Variants in CPPED1 observed in about 807,000 individuals in gnomAD.
CPPED1 encodes calcineurin like phosphoesterase domain containing 1, also known as serine/threonine-protein phosphatase CPPED1.
In CPPED1, 28 loss-of-function variants were observed where a neutral mutation model predicts 28.0. That is an observed-to-expected ratio of 1.00 (90% CI 0.74 to 1.37). The LOEUF is 1.37. CPPED1 is among the 40% of genes most tolerant of loss of function. CPPED1 has a pLI of 0.00. For missense variants in CPPED1, 504 were observed against 416.5 expected (o/e 1.21, Z -1.83); for synonymous variants, 198 against 180.2 (o/e 1.10, Z -0.79).
At chr16:12,710,810 T>C (rs1350290658) in intron 2 of CPPED1, among the ~76,000 whole-genome samples, 1 of 152,158 alleles carries the variant, frequency 6.6e-6, no homozygotes, top group African/African-American at 2.4e-5. Context: ...CCCATGAGGA[T>C]AGCTACTATC....
At chr16:12,741,773 T>A (rs190150356) in intron 2 of CPPED1, among the ~76,000 whole-genome samples, 2 of 152,266 alleles carry the variant, frequency 1.3e-5, no homozygotes, top group Admixed American at 6.5e-5. Context: ...AAAACTGACC[T>A]GGCGTGGTGG....
intron 2 of CPPED1, among the ~76,000 whole-genome samples, chr16:12,762,427 A>C (rs2080415014): frequency 6.6e-6 from 1 of 152,240 alleles, no homozygotes; most frequent in African/African-American, 2.4e-5. Flanking sequence ...AAATTAATCA[A>C]CAATCTGCTT....
chr16:12,696,350 G>T (rs766263207), intron 3 of CPPED1, among the ~76,000 whole-genome samples: 1 of 151,958 alleles, frequency 6.6e-6, no homozygotes, highest in Non-Finnish European at 1.5e-5. Flanking sequence ...CTGCTGTGGG[G>T]TCCCCAAACG....
intron 3 of CPPED1, among the ~76,000 whole-genome samples, chr16:12,683,789 G>A (rs1369976181): frequency 6.6e-6 from 1 of 152,132 alleles, no homozygotes; most frequent in Admixed American, 6.5e-5. Context: ...GGCTATGGTG[G>A]CTTAAAAAAG....
chr16:12,738,974 C>T (rs1295515995), intron 2 of CPPED1, among the ~76,000 whole-genome samples: 3 of 152,118 alleles, frequency 2.0e-5, no homozygotes, highest in Non-Finnish European at 4.4e-5. Context: ...ATCAGCAGTG[C>T]TTGCTCAGGG....
At chr16:12,679,855 G>T (rs1057254234) in intron 3 of CPPED1, among the ~76,000 whole-genome samples, 4 of 152,158 alleles carry the variant, frequency 2.6e-5, no homozygotes, top group Admixed American at 1.3e-4. Flanking sequence ...TGACTAAGGA[G>T]ATGTCTTTCT....
intron 2 of CPPED1, among the ~76,000 whole-genome samples, chr16:12,718,607 G>C (rs570129270): frequency 6.6e-6 from 1 of 151,934 alleles, no homozygotes; most frequent in Non-Finnish European, 1.5e-5. Flanking sequence ...AGAGCATGGG[G>C]ATACAGGGAT....
intron 2 of CPPED1, among the ~76,000 whole-genome samples, chr16:12,759,110 G>C (rs1567298937): frequency 1.4e-5 from 2 of 138,076 alleles, no homozygotes; most frequent in East Asian, 2.3e-4. Context: ...CTACAGTGAG[G>C]TATGATCACA....
At chr16:12,790,680 G>A (rs970135474) in intron 1 of CPPED1, among the ~76,000 whole-genome samples, 1 of 152,048 alleles carries the variant, frequency 6.6e-6, no homozygotes, top group African/African-American at 2.4e-5. Context: ...TAGCACTTTG[G>A]GAGGCCGAGT....
chr16:12,758,378 G>C (rs1343280252), intron 2 of CPPED1, among the ~76,000 whole-genome samples: 1 of 152,156 alleles, frequency 6.6e-6, no homozygotes, highest in African/African-American at 2.4e-5. Flanking sequence ...AAGCCTGTAT[G>C]TTTTGAGCGC....
At chr16:12,762,469 T>C (rs932549273) in intron 2 of CPPED1, among the ~76,000 whole-genome samples, 3 of 152,206 alleles carry the variant, frequency 2.0e-5, no homozygotes, top group Non-Finnish European at 4.4e-5. Context: ...TAATAAAAAG[T>C]AGTAGCAGTA....
intron 3 of CPPED1, among the ~76,000 whole-genome samples, chr16:12,674,539 A>T (rs1374511170): frequency 6.6e-6 from 1 of 152,184 alleles, no homozygotes; most frequent in East Asian, 1.9e-4. Flanking sequence ...CAACCGCTCC[A>T]GGTGGAGTGA....
chr16:12,760,272 G>T (rs1596475152), intron 2 of CPPED1: 1 of 152,230 alleles, frequency 6.6e-6, no homozygotes. Flanking sequence ...GGGACCTGAG[G>T]ACTGGTGGAT....
At chr16:12,701,444 G>T (rs915807429) in intron 3 of CPPED1, among the ~76,000 whole-genome samples, 11 of 152,168 alleles carry the variant, frequency 7.2e-5, no homozygotes, top group Admixed American at 2.6e-4. Flanking sequence ...TGAGGCAGGA[G>T]AATCACTTGA....
intron 3 of CPPED1, among the ~76,000 whole-genome samples, chr16:12,667,428 T>C (rs2079831553): frequency 6.6e-6 from 1 of 151,928 alleles, no homozygotes; most frequent in Non-Finnish European, 1.5e-5. Context: ...ACACAAAACA[T>C]CCATTAAAAT....
intron 3 of CPPED1, among the ~76,000 whole-genome samples, chr16:12,672,678 G>C (rs2079858546): frequency 6.6e-6 from 1 of 152,194 alleles, no homozygotes; most frequent in Admixed American, 6.5e-5. Flanking sequence ...GGTGGGATTA[G>C]TGAGAGGCAC....
At chr16:12,740,895 A>G (rs2080251964) in intron 2 of CPPED1, among the ~76,000 whole-genome samples, 1 of 152,172 alleles carries the variant, frequency 6.6e-6, no homozygotes, top group Admixed American at 6.5e-5. Flanking sequence ...TCAGCTCCCA[A>G]TACTGGGTGG....
At chr16:12,783,282 G>C (rs1288286378) in intron 1 of CPPED1, among the ~76,000 whole-genome samples, 2 of 152,198 alleles carry the variant, frequency 1.3e-5, no homozygotes, top group Non-Finnish European at 2.9e-5. Context: ...CAGATTACTT[G>C]AGGTCATGAA....
At chr16:12,684,208 G>C (rs1195371603) in intron 3 of CPPED1, among the ~76,000 whole-genome samples, 1 of 152,140 alleles carries the variant, frequency 6.6e-6, no homozygotes, top group African/African-American at 2.4e-5. Flanking sequence ...ACTGAGCAGA[G>C]CCATCTTTCT....
Sources: gnomAD v4.1 joint callset for allele counts (sites outside exome capture counted in the v4.1 genomes callset) on GRCh38, gnomAD v4.1.1 for gene constraint, MANE v1.5 for transcripts, NCBI Gene and HGNC (gene_info 2026-07-23, HGNC 2026-07-21) for gene names.